The following RIN2 variants were observed in gnomAD, a reference collection of about 807,000 sequenced individuals.
RIN2 encodes the protein RAB5 interacting protein 2.
RIN2 carries 36 observed loss-of-function variants against 78.0 expected under a neutral mutation model. That is an observed-to-expected ratio of 0.46 (90% CI 0.35 to 0.61). RIN2 has a LOEUF of 0.61. RIN2 is among the 20% of genes least tolerant of loss of function. The pLI, the probability that RIN2 is intolerant of heterozygous loss-of-function variation, is 0.00. For synonymous variants in RIN2, 466 were observed against 466.8 expected (o/e 1.00, Z 0.02); for missense variants, 1,087 against 1,159.7 (o/e 0.94, Z 0.91).
At chr20:19,787,974 C>G (rs374577341) in intron 1 of RIN2, among the ~76,000 whole-genome samples, 4 of 152,162 alleles carry the variant, frequency 2.6e-5, no homozygotes, top group East Asian at 3.8e-4. Flanking sequence ...AAGTACTACA[C>G]CCCTCCCTAA....
chr20:19,873,718 G>GTGCATCTCCATAGAACCGAATT (rs1166883654), intron 2 of RIN2, among the ~76,000 whole-genome samples: 1 of 152,114 alleles, frequency 6.6e-6, no homozygotes, highest in Non-Finnish European at 1.5e-5. Flanking sequence ...CACTAATCAA[G>GTGCATCTCCATAGAACCGAATT]TGCATCTCCA....
intron 4 of RIN2, chr20:19,935,693 C>T (rs545120764): frequency 2.5e-5 from 22 of 875,034 alleles, no homozygotes; most frequent in East Asian, 1.2e-4. Flanking sequence ...GTTGTAAATT[C>T]GATACAAAGG....
At chr20:19,821,272 C>A (rs2035918241) in intron 2 of RIN2, among the ~76,000 whole-genome samples, 1 of 152,152 alleles carries the variant, frequency 6.6e-6, no homozygotes. Flanking sequence ...TAGCTTTTAT[C>A]TTTCTAGATG....
At chr20:19,882,637 T>C (rs1188218110) in intron 2 of RIN2, among the ~76,000 whole-genome samples, 2 of 152,194 alleles carry the variant, frequency 1.3e-5, no homozygotes, top group Admixed American at 1.3e-4. Flanking sequence ...AGGTGGCTTA[T>C]GACACCTCTG....
At chr20:19,830,445 A>G (rs964733027) in intron 2 of RIN2, among the ~76,000 whole-genome samples, 2 of 152,194 alleles carry the variant, frequency 1.3e-5, no homozygotes, top group Admixed American at 1.3e-4. Context: ...TCTTCCTGCC[A>G]CATGAGGGAT....
intron 3 of RIN2, among the ~76,000 whole-genome samples, chr20:19,931,093 A>G (rs1245555376): frequency 1.3e-5 from 2 of 152,120 alleles, no homozygotes; most frequent in Admixed American, 1.3e-4. Flanking sequence ...TACAAAATAA[A>G]TACATAAATA....
intron 2 of RIN2, among the ~76,000 whole-genome samples, chr20:19,805,664 A>C (rs2035386319): frequency 6.6e-6 from 1 of 151,706 alleles, no homozygotes; most frequent in Non-Finnish European, 1.5e-5. Context: ...AGCCTCCCAA[A>C]GTGCTGGGAT....
At chr20:19,963,610 CAAAA>C (rs11358752) in intron 6 of RIN2, among the ~76,000 whole-genome samples, 2 of 116,886 alleles carry the variant, frequency 1.7e-5, no homozygotes, top group Non-Finnish European at 1.9e-5. Flanking sequence ...ACTCTGTCTC[CAAAA>C]AAAAAAAAAA....
intron 12 of RIN2, among the ~76,000 whole-genome samples, chr20:19,999,967 G>A (rs752105171): frequency 1.1e-4 from 17 of 152,154 alleles, no homozygotes; most frequent in Non-Finnish European, 1.5e-4. Context: ...AAAAGTCAGC[G>A]CATTTTGTGT....
At chr20:19,968,182 G>A (rs1246689547) in intron 7 of RIN2, among the ~76,000 whole-genome samples, 1 of 152,148 alleles carries the variant, frequency 6.6e-6, no homozygotes, top group Non-Finnish European at 1.5e-5. Context: ...GGGGCATCAC[G>A]GCTTCCTCCC....
rs1405382567 is a variant in RIN2, at chr20:19,951,454, C to A, written c.159-5161C>A. Among the ~76,000 whole-genome samples, 3 of 152,178 alleles carry A rather than the reference C, an allele frequency of 2.0e-5. No individual in the cohort carries two copies. In the South Asian group the frequency reaches 6.2e-4, roughly 32 times the overall value. On this transcript the variant is annotated intron_variant, in intron 4 of 12. Transcript: ENST00000255006. Reference sequence around the variant, plus strand: ...CATGGTACCTTCTCAGAGCCTCACACTGGGGGCACTTGATGTCAGGGCAGC... The same window carrying A: ...CATGGTACCTTCTCAGAGCCTCACAATGGGGGCACTTGATGTCAGGGCAGC...
At chr20:19,987,811 A>G (rs987961049) in intron 9 of RIN2, among the ~76,000 whole-genome samples, 1 of 152,194 alleles carries the variant, frequency 6.6e-6, no homozygotes, top group Admixed American at 6.5e-5. Context: ...TTCCTACTTT[A>G]TAACCTCCTT....
At chr20:19,776,604 T>A (rs1461351326) in intron 1 of RIN2, among the ~76,000 whole-genome samples, 1 of 151,934 alleles carries the variant, frequency 6.6e-6, no homozygotes, top group East Asian at 1.9e-4. Context: ...TGGTGGCGGC[T>A]GCCTGTAGTC....
chr20:19,839,702 G>A (rs1487140352), intron 2 of RIN2, among the ~76,000 whole-genome samples: 1 of 151,954 alleles, frequency 6.6e-6, no homozygotes, highest in Non-Finnish European at 1.5e-5. Context: ...TTGCAACCCT[G>A]TACCCCTTCC....
At chr20:19,950,673 G>A (rs2041274874) in intron 4 of RIN2, among the ~76,000 whole-genome samples, 1 of 151,884 alleles carries the variant, frequency 6.6e-6, no homozygotes, top group South Asian at 2.1e-4. Context: ...TCCTTTGTAA[G>A]CATAATAAAA....
At chr20:19,873,354 G>A (rs1449003863) in intron 2 of RIN2, among the ~76,000 whole-genome samples, 6 of 152,128 alleles carry the variant, frequency 3.9e-5, no homozygotes, top group South Asian at 2.1e-4. Flanking sequence ...CTTGAACTCC[G>A]GGGTCAAGGG....
chr20:19,925,453 G>C (rs2040189334), intron 3 of RIN2, among the ~76,000 whole-genome samples: 1 of 152,168 alleles, frequency 6.6e-6, no homozygotes, highest in Non-Finnish European at 1.5e-5. Flanking sequence ...GGATAAATTT[G>C]ATTCTATCAT....
chr20:19,912,861 T>C (rs922545396), intron 3 of RIN2, among the ~76,000 whole-genome samples: 18 of 152,254 alleles, frequency 1.2e-4, no homozygotes, highest in African/African-American at 4.1e-4. Context: ...CACTAGGAAA[T>C]GGAAAACCCC....
At chr20:19,927,929 G>T (rs1254870864) in intron 3 of RIN2, among the ~76,000 whole-genome samples, 2 of 152,034 alleles carry the variant, frequency 1.3e-5, no homozygotes, top group African/African-American at 4.8e-5. Flanking sequence ...TTGAGATGGA[G>T]TCTCACTCTG....
Sources: gnomAD v4.1 joint callset for allele counts (sites outside exome capture counted in the v4.1 genomes callset) on GRCh38, gnomAD v4.1.1 for gene constraint, MANE v1.5 for transcripts, NCBI Gene and HGNC (gene_info 2026-07-23, HGNC 2026-07-21) for gene names.